The following ATM variants were observed in gnomAD, a reference collection of about 807,000 sequenced individuals.
ATM encodes ATM serine/threonine kinase.
In ATM, 308 loss-of-function variants were observed where a neutral mutation model predicts 387.0. The observed-to-expected ratio is 0.80, with a 90% CI of 0.73 to 0.87. The LOEUF (loss-of-function observed/expected upper bound fraction) is 0.87. Among genes scored for constraint, ATM ranks in the 40% least tolerant of loss-of-function variants. ATM has a pLI of 0.00. For missense variants in ATM, 3,312 were observed against 3,560.9 expected (o/e 0.93, Z 1.78); for synonymous variants, 1,156 against 1,187.3 (o/e 0.97, Z 0.54).
chr11:108,355,583 G>C (rs1356394164), intron 61 of ATM: 1 of 152,596 alleles, frequency 6.6e-6, no homozygotes, highest in African/African-American at 2.4e-5. Flanking sequence ...GGCAGGTAGA[G>C]TGCAGTATGG....
In ATM at chr11:108,299,834, A is replaced by C; in HGVS notation, c.5126A>C (p.Gln1709Pro). Residue 1709 changes from glutamine (Q) to proline (P), a missense_variant, in exon 34 of 63, where the codon CAG (glutamine) becomes CCG (proline). Physicochemically the swap from Gln to Pro is moderately conservative, Grantham distance 76 (BLOSUM62 -1). Coordinates refer to ENST00000675843, the MANE Select transcript of ATM (RefSeq NM_000051.4). ...AAGTTATTTGAAGATAAAGAACTTCAGTGGACCTTCATAATGCTGACCTAC... is the reference window on the plus strand; with the variant it reads ...AAGTTATTTGAAGATAAAGAACTTCCGTGGACCTTCATAATGCTGACCTAC... ...ALKLFEDKEL[Q>P]WTFIMLTYLN... The C allele has an allele frequency of 6.2e-7, 1 of 1,614,018 alleles. No individual in the cohort carries two copies. Among genetic ancestry groups the C allele is most frequent in the Non-Finnish European group, 8.5e-7 (1 of 1,179,948 alleles).
intron 15 of ATM, 69 bp downstream of exon 15, chr11:108,257,675 A>G (rs888173781): frequency 8.8e-6 from 13 of 1,478,452 alleles, no homozygotes; most frequent in Non-Finnish European, 1.1e-5. Context: ...GCTGGAGTGC[A>G]GTGGGATTGT....
Position 108,331,469 on chromosome 11 carries a change from A to G in ATM, c.7541A>G (p.Tyr2514Cys), listed in dbSNP as rs1555123994. 2 of 1,613,494 alleles carry G rather than the reference A, an allele frequency of 1.2e-6. No homozygotes were observed. The highest frequency in any genetic ancestry group is 1.7e-6 in the Non-Finnish European group (2 of 1,179,734). ...AGAGACGGAATGAAGATTCCAACAT[A>G]TAAATTTTTGCCTCTTATGTACCAA... ...MKRDGMKIPT[Y>C]KFLPLMYQLA... The change falls in exon 51 of 63, where the codon TAT (tyrosine) becomes TGT (cysteine). Residue 2514 changes from tyrosine to cysteine, a missense_variant. Physicochemically the swap from Tyr to Cys is radical, Grantham distance 194. This residue lies in a region of ATM where 1,405 missense variants were observed against 1,604.4 expected (regional missense o/e 0.88). Coordinates refer to ENST00000675843, the MANE Select transcript of ATM (RefSeq NM_000051.4).
chr11:108,320,822 G>T (rs1198231762), intron 44 of ATM, among the ~76,000 whole-genome samples: 2 of 152,132 alleles, frequency 1.3e-5, no homozygotes, highest in African/African-American at 4.8e-5. Flanking sequence ...ACTACTAATA[G>T]CTTACTGTTA....
intron 61 of ATM, among the ~76,000 whole-genome samples, chr11:108,359,918 T>C (rs187875652): frequency 3.3e-5 from 5 of 152,004 alleles, no homozygotes; most frequent in Non-Finnish European, 2.9e-5. Context: ...CATTCAAAAG[T>C]TAGCAGAAGG....
In ATM at chr11:108,315,898, C is replaced by T. The variant is rs876659454; in HGVS notation, c.6082C>T (p.Gln2028Ter). The change falls in exon 41 of 63, where the codon CAA (glutamine) becomes TAA (stop). Residue 2028 changes from glutamine to a stop codon, truncating the protein, a stop_gained. Coordinates refer to ENST00000675843, the MANE Select transcript of ATM (RefSeq NM_000051.4). LOFTEE classifies it high-confidence loss of function. Reference protein sequence around the residue: ...LYGCGGGKMLQPITRLRTYEH... With the variant: ...LYGCGGGKML Reference sequence around the variant, plus strand: ...TGGCTGTGGTGGAGGGAAGATGTTACAACCCATTACTAGGTAAATTGCATT... The same window carrying T: ...TGGCTGTGGTGGAGGGAAGATGTTATAACCCATTACTAGGTAAATTGCATT... The T allele has an allele frequency of 6.2e-7, 1 of 1,611,256 alleles. No homozygotes were observed. Among genetic ancestry groups the T allele is most frequent in the Non-Finnish European group, 8.5e-7 (1 of 1,177,446 alleles).
chr11:108,355,471 A>G, intron 61 of ATM: 1 of 157,202 alleles, frequency 6.4e-6, no homozygotes, highest in Non-Finnish European at 1.4e-5. Context: ...AAGTCAAACA[A>G]ATTTCAGTGT....
intron 59 of ATM, among the ~76,000 whole-genome samples, chr11:108,349,752 T>G (rs1311187981): frequency 6.6e-6 from 1 of 152,180 alleles, no homozygotes; most frequent in Non-Finnish European, 1.5e-5. Context: ...GAGACACATT[T>G]GGTCCTTGCT....
chr11:108,284,233 T>TTA lies in ATM; in HGVS notation c.3756_3757dup (p.Lys1253IlefsTer4), dbSNP rs1555093289. 5.0e-6 allele frequency: 8 copies of TTA among 1,607,126 alleles called. No individual in the cohort carries two copies. The highest frequency in any genetic ancestry group is 6.8e-6 in the Non-Finnish European group (8 of 1,174,490). On this transcript the variant is annotated frameshift_variant, in exon 26 of 63. Transcript: ENST00000675843. LOFTEE classifies it high-confidence loss of function. ...TAAATTTTTCTATTTTTAGATCTTG[T>TTA]TATAAGGTTTTGATTCCACATCTGG...
chr11:108,295,250 A>T (rs540550246), intron 32 of ATM, 191 bp downstream of exon 32: 417 of 655,180 alleles, frequency 6.4e-4, no homozygotes, highest in Non-Finnish European at 1.0e-3. Context: ...TTCCTGTTTT[A>T]TTCATCCTCT....
intron 26 of ATM, among the ~76,000 whole-genome samples, chr11:108,286,784 T>G (rs966853354): frequency 2.0e-4 from 31 of 152,188 alleles, no homozygotes; most frequent in Non-Finnish European, 4.1e-4. Context: ...TAGGTTTCTT[T>G]CTTGTCACCT....
At chr11:108,343,748 G>C (rs2087911295) in intron 57 of ATM, among the ~76,000 whole-genome samples, 1 of 152,042 alleles carries the variant, frequency 6.6e-6, no homozygotes, top group African/African-American at 2.4e-5. Flanking sequence ...GGATTTTGAG[G>C]CCAGCCTGGG....
intron 42 of ATM, 151 bp downstream of exon 42, chr11:108,316,264 A>G: frequency 1.2e-6 from 1 of 862,046 alleles, no homozygotes; most frequent in Non-Finnish European, 1.9e-6. Flanking sequence ...ACATTCAGGG[A>G]TACTCCTGAA....
intron 25 of ATM, 117 bp from the exon 26 acceptor site, chr11:108,284,109 TG>T: frequency 2.7e-6 from 2 of 737,682 alleles, no homozygotes; most frequent in South Asian, 2.1e-5. Flanking sequence ...TTTAATAATC[TG>T]GATAAAGTAT....
chr11:108,329,820 T>G (rs142349135), intron 49 of ATM, among the ~76,000 whole-genome samples: 1 of 152,240 alleles, frequency 6.6e-6, no homozygotes. Flanking sequence ...AATATAGATA[T>G]TAGCTTTCTG....
At position 108,259,312 on chromosome 11, in the gene ATM, A is replaced by AC. The variant is rs4987965; in HGVS notation, c.2466+241dup. Among the ~76,000 whole-genome samples the AC allele has an allele frequency of 2.0e-3, 307 of 152,112 alleles. 12 individuals carry two copies. In the East Asian group the frequency reaches 0.039, roughly 19 times the overall value. ...AGACCATCCTGGCTAACACGGTGAA[A>AC]CCCCGTCTCTACTAAAAATACTAAA... On this transcript the variant is annotated intron_variant, in intron 16 of 62. Transcript: ENST00000675843.
intron 15 of ATM, among the ~76,000 whole-genome samples, chr11:108,258,768 T>A (rs4987963): frequency 0.014 from 2,165 of 152,308 alleles, 60 homozygotes; most frequent in African/African-American, 0.049. Context: ...ATCTTTAGGG[T>A]CAATAGCTGT....
chr11:108,354,070 A>ACACAC (rs2089570249), intron 60 of ATM, among the ~76,000 whole-genome samples, 190 bp downstream of exon 60: 3,969 of 114,882 alleles, frequency 0.035, 83 homozygotes, highest in Non-Finnish European at 0.047. Flanking sequence ...CACACACACA[A>ACACAC]ACACACACAC....
At chr11:108,350,973 G>A (rs1215010633) in intron 59 of ATM, among the ~76,000 whole-genome samples, 3 of 152,066 alleles carry the variant, frequency 2.0e-5, no homozygotes, top group Admixed American at 6.6e-5. Context: ...GTTTATAGTA[G>A]CATTATTCAT....
Sources: gnomAD v4.1 joint callset for allele counts (sites outside exome capture counted in the v4.1 genomes callset) on GRCh38, gnomAD v4.1.1 for gene constraint, gnomAD v4.1.1 regional missense constraint, MANE v1.5 for transcripts, NCBI Gene and HGNC (gene_info 2026-07-23, HGNC 2026-07-21) for gene names.